Variants in KCNIP4 observed in about 807,000 individuals in gnomAD.
KCNIP4 encodes potassium voltage-gated channel interacting protein 4.
In KCNIP4, 12 loss-of-function variants were observed where a neutral mutation model predicts 34.0. That is an observed-to-expected ratio of 0.35 (90% CI 0.23 to 0.57). KCNIP4 has a LOEUF of 0.57. Among genes scored for constraint, KCNIP4 ranks in the 20% least tolerant of loss-of-function variants. The pLI is 0.83. For missense variants in KCNIP4, 238 were observed against 311.7 expected, an observed-to-expected ratio of 0.76 and a Z score of 1.78; for synonymous variants, 124 against 102.2, an observed-to-expected ratio of 1.21 and a Z score of -1.29.
In KCNIP4 at chr4:21,247,515, C is replaced by T. The variant is rs898256944; in HGVS notation, c.62-364806G>A. 4.7e-5 allele frequency among the ~76,000 whole-genome samples: 7 copies of T among 147,786 alleles called. No individual in the cohort carries two copies. In the South Asian group the frequency reaches 8.5e-4, roughly 18 times the overall value. On this transcript the variant is annotated intron_variant, in intron 1 of 8. Transcript: ENST00000382152. ...AAATCCCAATATGCATGCAGAGGGA[C>T]GATATGGCCCAGGAACATTTACAAG...
chr4:20,932,590 C>T (rs1287308521), intron 1 of KCNIP4, among the ~76,000 whole-genome samples: 1 of 151,928 alleles, frequency 6.6e-6, no homozygotes, highest in Non-Finnish European at 1.5e-5. Context: ...GATAACTATG[C>T]GAGATGATAG....
At chr4:21,451,029 C>T (rs757879974) in intron 1 of KCNIP4, among the ~76,000 whole-genome samples, 10 of 151,888 alleles carry the variant, frequency 6.6e-5, no homozygotes, top group African/African-American at 1.7e-4. Flanking sequence ...AGAGCAAAAA[C>T]GACATAATAG....
intron 1 of KCNIP4, among the ~76,000 whole-genome samples, chr4:20,963,166 CA>C (rs150883051): frequency 0.031 from 4,434 of 142,242 alleles, 87 homozygotes; most frequent in Middle Eastern, 0.071. Flanking sequence ...ACTAAAAATA[CA>C]AAAAAAAAAA....
intron 1 of KCNIP4, among the ~76,000 whole-genome samples, chr4:21,069,544 A>G (rs934371180): frequency 6.6e-6 from 1 of 152,170 alleles, no homozygotes; most frequent in African/African-American, 2.4e-5. Flanking sequence ...CCCGGAGAAG[A>G]GGCCTGTGAA....
chr4:21,127,696 T>C (rs542596694), intron 1 of KCNIP4, among the ~76,000 whole-genome samples: 1 of 152,312 alleles, frequency 6.6e-6, no homozygotes, highest in Non-Finnish European at 1.5e-5. Flanking sequence ...AACTCTCCAA[T>C]GTGTTAATAT....
At chr4:20,975,630 C>A (rs1221863705) in intron 1 of KCNIP4, among the ~76,000 whole-genome samples, 1 of 152,118 alleles carries the variant, frequency 6.6e-6, no homozygotes, top group Admixed American at 6.6e-5. Flanking sequence ...AGAGACTAGA[C>A]CCCCATCCCC....
At chr4:21,244,443 T>C (rs1379299961) in intron 1 of KCNIP4, among the ~76,000 whole-genome samples, 1 of 152,226 alleles carries the variant, frequency 6.6e-6, no homozygotes, top group East Asian at 1.9e-4. Flanking sequence ...TTACTATCCA[T>C]GATGCTATAT....
At chr4:21,291,871 GAAAGAAAGAAAGAAA>G (rs1763514477) in intron 1 of KCNIP4, among the ~76,000 whole-genome samples, 3 of 9,354 alleles carry the variant, frequency 3.2e-4, no homozygotes, top group African/African-American at 1.7e-3. Flanking sequence ...AAAAAAAAAA[GAAAGAAAGAAAGAAA>G]GAAAGAAAGA....
intron 1 of KCNIP4, among the ~76,000 whole-genome samples, chr4:21,124,533 T>C (rs2109146314): frequency 6.6e-6 from 1 of 152,306 alleles, no homozygotes; most frequent in South Asian, 2.1e-4. Context: ...CTGCCCTCTT[T>C]CCTTCTTGAG....
intron 1 of KCNIP4, among the ~76,000 whole-genome samples, chr4:21,119,838 T>C (rs28407442): frequency 0.021 from 3,205 of 152,216 alleles, 114 homozygotes; most frequent in African/African-American, 0.073. Context: ...GGTAAATTAA[T>C]TAGTAAAAGG....
At chr4:21,789,469 C>A (rs1720132961) in intron 1 of KCNIP4, among the ~76,000 whole-genome samples, 1 of 152,152 alleles carries the variant, frequency 6.6e-6, no homozygotes, top group African/African-American at 2.4e-5. Flanking sequence ...CAGTAGGGAA[C>A]ATGGTCTCTT....
rs570471740 is a variant in KCNIP4, at chr4:21,526,217, T to C, written c.61+422354A>G. On this transcript the variant is annotated intron_variant, in intron 1 of 8. Coordinates refer to ENST00000382152, the MANE Select transcript of KCNIP4 (RefSeq NM_025221.6). ...GACCCTGTGGTAGGTAACTGAATCA[T>C]GCAGGTAGGTTTTTCCAGGGCTGAT... 2.6e-5 allele frequency among the ~76,000 whole-genome samples: 4 copies of C among 152,260 alleles called. 1 individual carries two copies. The highest frequency in any genetic ancestry group is 4.8e-5 in the African/African-American group (2 of 41,554).
intron 4 of KCNIP4, among the ~76,000 whole-genome samples, chr4:20,754,479 G>C (rs1324931506): frequency 6.6e-6 from 1 of 152,150 alleles, no homozygotes; most frequent in Non-Finnish European, 1.5e-5. Context: ...GAATTCGCCT[G>C]CCATCAGAGA....
intron 1 of KCNIP4, among the ~76,000 whole-genome samples, chr4:21,880,635 A>G (rs1411438530): frequency 2.0e-5 from 3 of 152,166 alleles, no homozygotes; most frequent in African/African-American, 7.2e-5. Flanking sequence ...CTAAGGGAAA[A>G]AGAAGAGAAC....
intron 1 of KCNIP4, among the ~76,000 whole-genome samples, chr4:21,669,397 C>A (rs1476474569): frequency 6.6e-6 from 1 of 152,216 alleles, no homozygotes; most frequent in African/African-American, 2.4e-5. Flanking sequence ...CCATGCCCAG[C>A]CATAATTTTC....
At chr4:21,615,895 C>A (rs910351640) in intron 1 of KCNIP4, among the ~76,000 whole-genome samples, 2 of 152,192 alleles carry the variant, frequency 1.3e-5, no homozygotes, top group African/African-American at 4.8e-5. Context: ...TCTGAGCAAT[C>A]CTTGTCTCTT....
At chr4:20,835,260 C>T (rs889529681) in intron 3 of KCNIP4, among the ~76,000 whole-genome samples, 2 of 152,088 alleles carry the variant, frequency 1.3e-5, no homozygotes, top group Non-Finnish European at 2.9e-5. Context: ...TCCAGCTTTA[C>T]TGATCCTCTA....
At chr4:21,452,660 T>G (rs1177809859) in intron 1 of KCNIP4, among the ~76,000 whole-genome samples, 2 of 151,874 alleles carry the variant, frequency 1.3e-5, no homozygotes, top group Non-Finnish European at 2.9e-5. Context: ...TGGCTAAAAT[T>G]ATCATCACCA....
intron 3 of KCNIP4, among the ~76,000 whole-genome samples, chr4:20,796,325 T>G (rs1713456603): frequency 6.6e-6 from 1 of 152,218 alleles, no homozygotes; most frequent in South Asian, 2.1e-4. Context: ...TGTTTGTTTT[T>G]TGAGACAGGG....
Sources: gnomAD v4.1 joint callset for allele counts (sites outside exome capture counted in the v4.1 genomes callset) on GRCh38, gnomAD v4.1.1 for gene constraint, MANE v1.5 for transcripts, NCBI Gene and HGNC (gene_info 2026-07-23, HGNC 2026-07-21) for gene names.